NDUFAF6: variants seen among roughly 807,000 people sequenced by gnomAD.
The protein encoded by NDUFAF6 is NADH dehydrogenase (ubiquinone) complex I, assembly factor 6.
A neutral mutation model predicts 40.8 loss-of-function variants in NDUFAF6; 45 were observed. The observed-to-expected ratio is 1.10, with a 90% CI of 0.87 to 1.42. The LOEUF (loss-of-function observed/expected upper bound fraction) is 1.42, where lower values mean the gene tolerates loss of function less well. Among genes scored for constraint, NDUFAF6 ranks in the 40% most tolerant of loss-of-function variants. The probability of loss-of-function intolerance (pLI) is 0.00; values close to 1 mark genes in which losing one functional copy is unlikely to be tolerated. For synonymous variants in NDUFAF6, 185 were observed against 155.9 expected (o/e 1.19, Z -1.39); for missense variants, 435 against 418.5 (o/e 1.04, Z -0.34).
At chr8:95,105,941 G>A (rs1298751640), downstream of NDUFAF6, among the ~76,000 whole-genome samples, 3 of 152,034 alleles carry the variant, frequency 2.0e-5, no homozygotes, top group South Asian at 4.2e-4. Context: ...TGGCCTAGGG[G>A]CAACCATCTT....
At chr8:94,948,396 C>T (rs1226279523) in intron 2 of NDUFAF6, among the ~76,000 whole-genome samples, 2 of 152,184 alleles carry the variant, frequency 1.3e-5, no homozygotes, top group Non-Finnish European at 1.5e-5. Flanking sequence ...ATGGCACATA[C>T]TCAGCGCTCA....
At chr8:95,048,760 C>A (rs1035214464) in intron 7 of NDUFAF6, among the ~76,000 whole-genome samples, 1 of 152,156 alleles carries the variant, frequency 6.6e-6, no homozygotes, top group Admixed American at 6.5e-5. Flanking sequence ...CATATGAATG[C>A]GTTCTCTACT....
intron 5 of NDUFAF6, among the ~76,000 whole-genome samples, chr8:95,046,765 G>C (rs1458669459): frequency 6.6e-6 from 1 of 152,232 alleles, no homozygotes; most frequent in Admixed American, 6.5e-5. Context: ...GTGTGCTGTA[G>C]TCTGAGGAAA....
At chr8:94,938,917 A>G (rs1307947085) in intron 1 of NDUFAF6, among the ~76,000 whole-genome samples, 1 of 152,224 alleles carries the variant, frequency 6.6e-6, no homozygotes, top group East Asian at 1.9e-4. Context: ...GGCATCAGAA[A>G]TGGGAGGCAG....
At chr8:94,925,563 T>A (rs948598252) in intron 1 of NDUFAF6, among the ~76,000 whole-genome samples, 1 of 151,526 alleles carries the variant, frequency 6.6e-6, no homozygotes. Flanking sequence ...TTTTTTTTTT[T>A]TTTTTGAGAC....
At chr8:94,973,855 TAAAA>T (rs754972680) in intron 1 of NDUFAF6, among the ~76,000 whole-genome samples, 1 of 125,328 alleles carries the variant, frequency 8.0e-6, no homozygotes, top group Non-Finnish European at 1.7e-5. Context: ...CCCCTGTCTC[TAAAA>T]AAAAAAAAAA....
intron 1 of NDUFAF6, chr8:94,941,063 TAGGTGAAAAGCAA>T (rs1249912526): frequency 1.9e-5 from 13 of 676,230 alleles, no homozygotes; most frequent in Admixed American, 3.0e-5. Flanking sequence ...TTATTCAACT[TAGGTGAAAAGCAA>T]GAAGAGTCAT....
intron 1 of NDUFAF6, chr8:94,932,020 G>C: frequency 6.4e-7 from 1 of 1,556,052 alleles, no homozygotes; most frequent in East Asian, 2.3e-5. Context: ...TGGGTCCTTT[G>C]CCTCCCTATG....
At chr8:94,985,575 G>A (rs1228752110) in intron 2 of NDUFAF6, among the ~76,000 whole-genome samples, 6 of 108,462 alleles carry the variant, frequency 5.5e-5, no homozygotes, top group African/African-American at 1.5e-4. Flanking sequence ...TCACTCTGTC[G>A]CCCAGGCTGG....
intron 2 of NDUFAF6, among the ~76,000 whole-genome samples, chr8:94,993,198 G>A (rs1034942636): frequency 4.6e-5 from 7 of 152,046 alleles, no homozygotes; most frequent in Non-Finnish European, 8.8e-5. Context: ...CTTCTTATAA[G>A]GATACCAATC....
At chr8:94,924,203 A>G (rs1042766047) in intron 1 of NDUFAF6, among the ~76,000 whole-genome samples, 1 of 151,910 alleles carries the variant, frequency 6.6e-6, no homozygotes, top group Admixed American at 6.6e-5. Flanking sequence ...TGGGATTAAC[A>G]GGGGCACGCC....
rs1040010617 is a variant in NDUFAF6, at chr8:94,933,836, G to T, written c.-935-11647G>T. 1.4e-4 allele frequency among the ~76,000 whole-genome samples: 20 copies of T among 145,360 alleles called. 2 individuals carry two copies. The highest frequency in any genetic ancestry group is 4.7e-4 in the African/African-American group (18 of 38,530). On this transcript the variant is annotated intron_variant, in intron 1 of 14. Coordinates refer to the NDUFAF6 transcript ENST00000396113. ...ATGCCTGTAATCCCAGCACTTTGTG[G>T]GGGGGGGGGGAGGATCACGAGGTCA...
At chr8:94,980,418 A>C (rs1277514691) in intron 1 of NDUFAF6, among the ~76,000 whole-genome samples, 1 of 150,336 alleles carries the variant, frequency 6.7e-6, no homozygotes, top group East Asian at 1.9e-4. Context: ...GGACACAAAT[A>C]ACACTGTCAA....
chr8:94,932,229 C>G, intron 1 of NDUFAF6: 1 of 969,254 alleles, frequency 1.0e-6, no homozygotes. Flanking sequence ...ATTAAAGGCA[C>G]GTACATGTGC....
chr8:94,954,123 C>T (rs1355451675), upstream of NDUFAF6, among the ~76,000 whole-genome samples: 4 of 149,258 alleles, frequency 2.7e-5, no homozygotes, highest in Non-Finnish European at 5.9e-5. Context: ...AGTGCAGTGG[C>T]GTGATCTCCA....
intron 4 of NDUFAF6, among the ~76,000 whole-genome samples, chr8:95,044,223 AG>A (rs1385474658): frequency 6.6e-6 from 1 of 151,858 alleles, no homozygotes; most frequent in African/African-American, 2.4e-5. Context: ...AGGGCTGAGG[AG>A]GGGGGGAAAT....
At chr8:95,034,933 G>T (rs562854531) in intron 2 of NDUFAF6, among the ~76,000 whole-genome samples, 1 of 151,578 alleles carries the variant, frequency 6.6e-6, no homozygotes, top group East Asian at 1.9e-4. Flanking sequence ...AGGCTAGAGT[G>T]TGGTGGTGTG....
chr8:95,062,851 A>G (rs1832604927), downstream of NDUFAF6, among the ~76,000 whole-genome samples: 1 of 152,214 alleles, frequency 6.6e-6, no homozygotes, highest in Non-Finnish European at 1.5e-5. Context: ...TGTGGTTCGA[A>G]TGAACATGCT....
chr8:94,923,497 A>G (rs1213256482), intron 1 of NDUFAF6, among the ~76,000 whole-genome samples: 1 of 152,080 alleles, frequency 6.6e-6, no homozygotes, highest in East Asian at 1.9e-4. Context: ...TCTCATCCCC[A>G]CTAACCTATT....
Sources: gnomAD v4.1 joint callset for allele counts (sites outside exome capture counted in the v4.1 genomes callset) on GRCh38, gnomAD v4.1.1 for gene constraint, MANE v1.5 for transcripts, NCBI Gene and HGNC (gene_info 2026-07-23, HGNC 2026-07-21) for gene names.